The following LRRC7 variants were observed in gnomAD, a reference collection of about 807,000 sequenced individuals.
LRRC7 encodes leucine-rich repeat-containing protein 7.
In LRRC7, 23 loss-of-function variants were observed where a neutral mutation model predicts 175.7. The ratio of observed to expected loss-of-function variants is 0.13; its 90% CI spans 0.09 to 0.19. LRRC7 has a LOEUF of 0.19. Ranked by LOEUF, LRRC7 falls within the 10% of genes least tolerant of loss-of-function variation. The pLI is 1.00. For synonymous variants in LRRC7, 685 were observed against 680.9 expected (o/e 1.01, Z -0.09); for missense variants, 1,354 against 1,904.7 (o/e 0.71, Z 5.38).
At chr1:69,738,505 C>G (rs1668365002) in intron 2 of LRRC7, among the ~76,000 whole-genome samples, 1 of 151,894 alleles carries the variant, frequency 6.6e-6, no homozygotes, top group African/African-American at 2.4e-5. Context: ...AAAATTGAAA[C>G]TTGAAACTCT....
intron 7 of LRRC7, among the ~76,000 whole-genome samples, chr1:69,877,658 C>T (rs1686163862): frequency 6.6e-6 from 1 of 151,982 alleles, no homozygotes. Flanking sequence ...ACAGTTAATC[C>T]CCATTCTAAT....
chr1:69,906,130 G>C (rs568518658), intron 7 of LRRC7, among the ~76,000 whole-genome samples: 1 of 152,088 alleles, frequency 6.6e-6, no homozygotes, highest in South Asian at 2.1e-4. Context: ...GTAAATTTGT[G>C]TGAGTTCATT....
rs190186087 is a variant in LRRC7, at chr1:69,723,257, C to T, written c.101-36934C>T. Among the ~76,000 whole-genome samples the T allele has an allele frequency of 1.1e-3, 164 of 152,208 alleles. 2 individuals carry two copies. The highest frequency in any genetic ancestry group is 3.8e-3 in the African/African-American group (159 of 41,558). ...ACTTTTACAATTAGGGAACTTTTAA[C>T]ATCTGCTAGGAAATGCATAGATGAC... On this transcript the variant is annotated intron_variant, in intron 2 of 26. Transcript: ENST00000651989.
At chr1:70,036,745 G>A (rs1432266383) in intron 20 of LRRC7, 121 bp downstream of exon 20, 8 of 1,031,570 alleles carry the variant, frequency 7.8e-6, no homozygotes, top group Non-Finnish European at 8.4e-6. Flanking sequence ...AGACAGAAGG[G>A]GCAGGTAAGC....
intron 7 of LRRC7, among the ~76,000 whole-genome samples, chr1:69,911,990 A>T (rs2101705535): frequency 6.6e-6 from 1 of 152,312 alleles, no homozygotes; most frequent in African/African-American, 2.4e-5. Flanking sequence ...ATCTTTACAA[A>T]GCATTTACAT....
At chr1:69,796,207 G>T (rs918192417) in intron 4 of LRRC7, among the ~76,000 whole-genome samples, 2 of 144,828 alleles carry the variant, frequency 1.4e-5, no homozygotes, top group African/African-American at 5.2e-5. Context: ...CTATGAGTGA[G>T]AACATGTAGT....
At chr1:69,737,100 A>G (rs887783428) in intron 2 of LRRC7, among the ~76,000 whole-genome samples, 18 of 152,068 alleles carry the variant, frequency 1.2e-4, no homozygotes, top group African/African-American at 3.9e-4. Flanking sequence ...CCTGCTTTGC[A>G]TTCTTTACAA....
intron 21 of LRRC7, among the ~76,000 whole-genome samples, chr1:70,040,707 G>C (rs1045497330): frequency 6.6e-6 from 1 of 151,992 alleles, no homozygotes; most frequent in Non-Finnish European, 1.5e-5. Context: ...CCAGCTACTC[G>C]GGAGGCTGAG....
At chr1:69,980,164 A>G (rs1290626890) in intron 8 of LRRC7, among the ~76,000 whole-genome samples, 2 of 152,090 alleles carry the variant, frequency 1.3e-5, no homozygotes, top group Admixed American at 6.5e-5. Flanking sequence ...CAATTTTATT[A>G]TTATTGTTCT....
intron 11 of LRRC7, among the ~76,000 whole-genome samples, chr1:70,002,929 A>G (rs1396766534): frequency 6.6e-6 from 1 of 152,204 alleles, no homozygotes; most frequent in Non-Finnish European, 1.5e-5. Flanking sequence ...GAAAAATATA[A>G]GTATTTGCAA....
chr1:69,896,813 T>C (rs1490275202), intron 7 of LRRC7, among the ~76,000 whole-genome samples: 1 of 152,168 alleles, frequency 6.6e-6, no homozygotes, highest in East Asian at 1.9e-4. Context: ...GCATGGTACT[T>C]GGTACAGAGT....
chr1:69,711,872 T>A (rs1664789016), intron 2 of LRRC7, among the ~76,000 whole-genome samples: 1 of 152,194 alleles, frequency 6.6e-6, no homozygotes, highest in African/African-American at 2.4e-5. Context: ...CAGGTCAAAC[T>A]GGAGTCAAAT....
chr1:69,594,161 A>G (rs971469403), intron 1 of LRRC7, among the ~76,000 whole-genome samples: 1 of 152,188 alleles, frequency 6.6e-6, no homozygotes, highest in Admixed American at 6.5e-5. Flanking sequence ...TTGACATACT[A>G]CATACCCATC....
At chr1:69,924,349 G>C (rs547655821) in intron 7 of LRRC7, among the ~76,000 whole-genome samples, 6 of 152,080 alleles carry the variant, frequency 3.9e-5, no homozygotes, top group Non-Finnish European at 2.9e-5. Flanking sequence ...GAAAGTCATT[G>C]GTAGCTTGAT....
intron 2 of LRRC7, among the ~76,000 whole-genome samples, chr1:69,735,686 G>A (rs1022184673): frequency 1.3e-5 from 2 of 152,026 alleles, no homozygotes; most frequent in African/African-American, 4.8e-5. Context: ...GATGGTCCTT[G>A]ACTGAATTCT....
intron 24 of LRRC7, among the ~76,000 whole-genome samples, chr1:70,083,275 A>G (rs1014846786): frequency 6.6e-6 from 1 of 152,174 alleles, no homozygotes; most frequent in Non-Finnish European, 1.5e-5. Flanking sequence ...GGCTTATCAG[A>G]AATTTTGGAA....
At chr1:69,908,465 T>C (rs549866799) in intron 7 of LRRC7, among the ~76,000 whole-genome samples, 90 of 152,248 alleles carry the variant, frequency 5.9e-4, no homozygotes, top group African/African-American at 1.9e-3. Flanking sequence ...ATGTTGTGTC[T>C]TTGTTCTCGT....
chr1:69,664,299 T>C (rs1473093494), intron 1 of LRRC7, among the ~76,000 whole-genome samples: 1 of 152,250 alleles, frequency 6.6e-6, no homozygotes, highest in Non-Finnish European at 1.5e-5. Context: ...ACTGATTTCC[T>C]TTCTTTTGGA....
At chr1:69,985,626 A>G (rs1018141238) in intron 9 of LRRC7, among the ~76,000 whole-genome samples, 1 of 152,170 alleles carries the variant, frequency 6.6e-6, no homozygotes, top group African/African-American at 2.4e-5. Flanking sequence ...CCTATTAGCC[A>G]TAACTCCCAC....
Sources: allele counts gnomAD v4.1 joint callset (sites outside exome capture counted in the v4.1 genomes callset), GRCh38; gene constraint gnomAD v4.1.1; transcripts MANE v1.5; gene names NCBI Gene and HGNC (gene_info 2026-07-23, HGNC 2026-07-21).